The following TMEM230 variants were observed in gnomAD, a reference collection of about 807,000 sequenced individuals.
The protein encoded by TMEM230 is transmembrane protein 230.
In TMEM230, 10 loss-of-function variants were observed where a neutral mutation model predicts 15.8. The observed-to-expected ratio is 0.63, with a 90% CI of 0.39 to 1.07. The LOEUF (loss-of-function observed/expected upper bound fraction) is 1.07. Ranked by LOEUF, TMEM230 falls within the 50% of genes least tolerant of loss-of-function variation. The pLI is 0.01. For missense variants in TMEM230, 165 were observed against 193.3 expected, an observed-to-expected ratio of 0.85 and a Z score of 0.87; for synonymous variants, 67 against 76.9, an observed-to-expected ratio of 0.87 and a Z score of 0.68.
At chr20:5,069,151 C>G (rs1568477266) in exon 4 of TMEM230, 2 of 1,486,090 alleles carry the variant, frequency 1.3e-6, no homozygotes, top group Non-Finnish European at 1.8e-6. Context: ...CAGTTTAGCC[C>G]TTTTAAGATG....
At chr20:5,060,084 T>C in the TMEM230 span, among the ~76,000 whole-genome samples, 2 of 151,940 alleles carry the variant, frequency 1.3e-5, no homozygotes, top group African/African-American at 2.4e-5. Flanking sequence ...CTAATGTTTT[T>C]AATCTTCTGT....
intron 1 of TMEM230, chr20:5,111,877 C>T: frequency 5.4e-6 from 4 of 746,120 alleles, no homozygotes; most frequent in Non-Finnish European, 6.5e-6. Context: ...GACGGAGTCT[C>T]GCTCTGTCAC....
downstream of TMEM230, chr20:5,098,514 T>C (rs1018972426): frequency 6.6e-6 from 1 of 152,138 alleles, no homozygotes; most frequent in Admixed American, 6.6e-5. Flanking sequence ...ATAATACAAC[T>C]ATGGTCAAAA....
At chr20:5,064,372 T>C (rs530573745), downstream of TMEM230, among the ~76,000 whole-genome samples, 1 of 151,356 alleles carries the variant, frequency 6.6e-6, no homozygotes, top group Admixed American at 6.6e-5. Flanking sequence ...AGTTCGAGAG[T>C]TCAAGACCAG....
intron 2 of TMEM230, 113 bp from the exon 2 acceptor site, chr20:5,109,558 C>A: frequency 1.2e-6 from 1 of 816,946 alleles, no homozygotes; most frequent in South Asian, 1.5e-5. Flanking sequence ...GCTGCCATGT[C>A]AGACTAGCAA....
intron 3 of TMEM230, among the ~76,000 whole-genome samples, chr20:5,078,261 T>C (rs1186277255): frequency 6.6e-6 from 1 of 152,180 alleles, no homozygotes; most frequent in Non-Finnish European, 1.5e-5. Flanking sequence ...AATCAGTTTT[T>C]AAACAAGGGA....
chr20:5,081,599 C>G (rs1397273929), intron 3 of TMEM230, among the ~76,000 whole-genome samples: 1 of 152,198 alleles, frequency 6.6e-6, no homozygotes, highest in Non-Finnish European at 1.5e-5. Context: ...CTAAGAGACA[C>G]AGATCAGAAG....
intron 1 of TMEM230, chr20:5,112,635 C>T (rs1008506322): frequency 1.0e-4 from 133 of 1,267,424 alleles, no homozygotes; most frequent in Non-Finnish European, 1.3e-4. Context: ...TCACCGCTAC[C>T]CCCAAACTCC....
chr20:5,102,546 A>G (rs754569886), intron 4 of TMEM230, among the ~76,000 whole-genome samples: 3 of 151,868 alleles, frequency 2.0e-5, no homozygotes, highest in Non-Finnish European at 4.4e-5. Context: ...CAAAAATTAG[A>G]TGGGCATGGT....
chr20:5,097,634 T>C (rs2089701593), downstream of TMEM230, among the ~76,000 whole-genome samples: 2 of 152,164 alleles, frequency 1.3e-5, no homozygotes, highest in South Asian at 4.1e-4. Flanking sequence ...CTTATAATTT[T>C]TTTTTGTTTT....
At chr20:5,112,705 C>CCTGG in intron 1 of TMEM230, 1 of 1,424,026 alleles carries the variant, frequency 7.0e-7, no homozygotes, top group Non-Finnish European at 9.2e-7. Flanking sequence ...GCACACAGTG[C>CCTGG]CTGGCATTAC....
At chr20:5,069,497 C>G in intron 3 of TMEM230, 4 of 787,874 alleles carry the variant, frequency 5.1e-6, no homozygotes, top group Non-Finnish European at 5.9e-6. Context: ...AGCTCAAGAT[C>G]TACTTGTTCA....
intron 3 of TMEM230, among the ~76,000 whole-genome samples, chr20:5,108,144 G>A (rs2090167014): frequency 6.6e-6 from 1 of 151,812 alleles, no homozygotes; most frequent in Admixed American, 6.6e-5. Flanking sequence ...AAGAGGCTGG[G>A]CAAGGTGGCT....
At chr20:5,072,544 A>C (rs1389607989) in intron 3 of TMEM230, among the ~76,000 whole-genome samples, 1 of 151,936 alleles carries the variant, frequency 6.6e-6, no homozygotes, top group Non-Finnish European at 1.5e-5. Context: ...CATGAACTTG[A>C]AGTTTCCTGA....
chr20:5,080,866 T>C (rs948007075), intron 3 of TMEM230, among the ~76,000 whole-genome samples: 1 of 152,202 alleles, frequency 6.6e-6, no homozygotes, highest in African/African-American at 2.4e-5. Flanking sequence ...AAATAGCAGA[T>C]GAGGCGAGTG....
At chr20:5,087,003 C>T (rs907796940) in intron 3 of TMEM230, among the ~76,000 whole-genome samples, 10 of 152,022 alleles carry the variant, frequency 6.6e-5, no homozygotes, top group African/African-American at 1.2e-4. Context: ...CCTTCCAAGT[C>T]GCTGGGACTT....
rs758119588 is a variant in TMEM230 at position 5,111,607 on chromosome 20, TAAAAAAAAAAAAAAAAAAAAA to T, written c.69-23_69-3del. The T allele has an allele frequency of 5.3e-4, 31 of 58,974 alleles. 1 individual carries two copies. The highest frequency in any genetic ancestry group is 4.6e-3 in the East Asian group (3 of 650). 3.7% of individuals were successfully genotyped at this position (58,974 alleles called of 1,614,324 possible). ...CTGGGCGACAGAACTAGACTCCATCTAAAAAAAAAAAAAAAAAAAAAAAAAAAAAAAAAAAAAAAATTCAGT... is the reference window on the plus strand; with the variant it reads ...CTGGGCGACAGAACTAGACTCCATCTAAAAAAAAAAAAAAAAAAATTCAGT... On this transcript the variant is annotated splice_region_variant and splice_polypyrimidine_tract_variant and intron_variant, in intron 1 of 4. Transcript: ENST00000342308.
rs369829152 is a variant in TMEM230 at position 5,088,338 on chromosome 20, C to T, written c.222+17850G>A. ...AAAAAAAAAAAAAAAAGGTTTCAAACACAATTAATTCAAACCAACCTCCCT... is the reference window on the plus strand; with the variant it reads ...AAAAAAAAAAAAAAAAGGTTTCAAATACAATTAATTCAAACCAACCTCCCT... On this transcript the variant is annotated intron_variant, in intron 3 of 3. Transcript: ENST00000612323. Among the ~76,000 whole-genome samples, 444 of 141,414 alleles carry T rather than the reference C, an allele frequency of 3.1e-3. 3 individuals carry two copies. The highest frequency in any genetic ancestry group is 0.01 in the African/African-American group (396 of 38,842). The allele number at this position is 141,414 out of a possible 152,430, so 92.8% of individuals were successfully genotyped here.
chr20:5,099,236 C>CAATAAATA (rs1389196169), downstream of TMEM230, among the ~76,000 whole-genome samples: 1 of 76,222 alleles, frequency 1.3e-5, no homozygotes, highest in African/African-American at 7.7e-5. Context: ...ATAAATAAAT[C>CAATAAATA]AATCAATCAA....
Sources: allele counts gnomAD v4.1 joint callset (sites outside exome capture counted in the v4.1 genomes callset), GRCh38; gene constraint gnomAD v4.1.1; transcripts MANE v1.5; gene names NCBI Gene and HGNC (gene_info 2026-07-23, HGNC 2026-07-21).